CDYL2: variants seen among roughly 807,000 people sequenced by gnomAD.
CDYL2 encodes chromodomain Y-like protein 2.
CDYL2 carries 23 observed loss-of-function variants against 49.4 expected under a neutral mutation model. The observed-to-expected ratio is 0.47, with a 90% CI of 0.34 to 0.66. The LOEUF is 0.66. Among genes scored for constraint, CDYL2 ranks in the 30% least tolerant of loss-of-function variants. The pLI is 0.01. For synonymous variants in CDYL2, 360 were observed against 268.8 expected (o/e 1.34, Z -3.32); for missense variants, 678 against 656.4 (o/e 1.03, Z -0.36).
chr16:80,766,855 C>G (rs920748104), intron 1 of CDYL2, among the ~76,000 whole-genome samples: 1 of 152,196 alleles, frequency 6.6e-6, no homozygotes, highest in African/African-American at 2.4e-5. Flanking sequence ...AGGTGTAAAT[C>G]ACAACAAAAC....
At chr16:80,708,111 G>C (rs144839625) in intron 1 of CDYL2, among the ~76,000 whole-genome samples, 1 of 152,118 alleles carries the variant, frequency 6.6e-6, no homozygotes, top group African/African-American at 2.4e-5. Context: ...GAAAAATCCA[G>C]GACTGGGATG....
chr16:80,793,957 T>C (rs1303784635), intron 1 of CDYL2, among the ~76,000 whole-genome samples: 1 of 152,194 alleles, frequency 6.6e-6, no homozygotes, highest in African/African-American at 2.4e-5. Flanking sequence ...AAAAACACAA[T>C]CTTTGATTTG....
intron 2 of CDYL2, 49 bp downstream of exon 2, chr16:80,684,489 C>A: frequency 6.4e-7 from 1 of 1,552,084 alleles, no homozygotes; most frequent in Non-Finnish European, 8.8e-7. Flanking sequence ...GCAGAGCTCC[C>A]CTTTCGCCAT....
At chr16:80,804,762 G>T (rs946789474), upstream of CDYL2, among the ~76,000 whole-genome samples, 6 of 150,398 alleles carry the variant, frequency 4.0e-5, no homozygotes, top group Admixed American at 1.3e-4. Flanking sequence ...GGCCCCCGGG[G>T]GGCGGCGGGC....
At chr16:80,735,113 C>G (rs757467599) in intron 1 of CDYL2, 2 of 152,180 alleles carry the variant, frequency 1.3e-5, no homozygotes, top group Admixed American at 6.5e-5. Flanking sequence ...CTCTGTCCAC[C>G]CTCAAGGGTG....
intron 1 of CDYL2, among the ~76,000 whole-genome samples, chr16:80,764,436 C>G (rs150870303): frequency 1.3e-5 from 2 of 152,186 alleles, no homozygotes; most frequent in East Asian, 3.9e-4. Flanking sequence ...AATTTTAGGA[C>G]TGATGCTATT....
Position 80,637,574 on chromosome 16 carries a change from T to C in CDYL2, c.617-4338A>G, listed in dbSNP as rs115345058. Among the ~76,000 whole-genome samples the C allele has an allele frequency of 6.1e-3, 932 of 152,324 alleles. 7 individuals carry two copies. The highest frequency in any genetic ancestry group is 0.022 in the African/African-American group (895 of 41,564). ...CTCCTGAACTAATAAGCAAATACTG[T>C]AAGGTCACAGAATACAAGGTTAACA... On this transcript the variant is annotated intron_variant, in intron 2 of 6. Coordinates refer to ENST00000570137, the MANE Select transcript of CDYL2 (RefSeq NM_152342.4).
intron 1 of CDYL2, among the ~76,000 whole-genome samples, chr16:80,734,498 A>G (rs1265194009): frequency 1.3e-5 from 2 of 151,224 alleles, no homozygotes; most frequent in East Asian, 3.9e-4. Context: ...AGTAGCTGTA[A>G]TTAGAGGACA....
chr16:80,614,996 G>C (rs765508570), intron 4 of CDYL2, among the ~76,000 whole-genome samples: 64 of 152,178 alleles, frequency 4.2e-4, no homozygotes, highest in Non-Finnish European at 7.2e-4. Context: ...TCAACTGCGA[G>C]AAGTCTACTT....
chr16:80,732,893 G>C (rs1272627955), intron 1 of CDYL2, among the ~76,000 whole-genome samples: 2 of 151,900 alleles, frequency 1.3e-5, no homozygotes, highest in Non-Finnish European at 2.9e-5. Context: ...GTTGATGAAT[G>C]GAAAATACAC....
At position 80,804,390 on chromosome 16, in the gene CDYL2, A is replaced by AGCAGCGGCGGCGGCG. The variant is rs1349369159; in HGVS notation, c.-232_-218dup. On this transcript the variant is annotated 5_prime_UTR_variant, in exon 1 of 7. Coordinates refer to ENST00000570137, the MANE Select transcript of CDYL2 (RefSeq NM_152342.4). Reference sequence around the variant, plus strand: ...CGGCGGCGGGGCTGGCGTAACCGGCAGCAGCGGCGGCGGCGGCGGCGGCGG... The same window carrying AGCAGCGGCGGCGGCG: ...CGGCGGCGGGGCTGGCGTAACCGGCAGCAGCGGCGGCGGCGGCAGCGGCGGCGGCGGCGGCGGCGG... The AGCAGCGGCGGCGGCG allele has an allele frequency of 5.4e-6, 1 of 185,746 alleles. No homozygotes were observed. The highest frequency in any genetic ancestry group is 1.0e-5 in the Non-Finnish European group (1 of 98,146). The allele number at this position is 185,746 out of a possible 1,614,324, so 11.5% of individuals were successfully genotyped here. A position where few individuals can be genotyped will look rare whatever the true frequency, so the allele number is the denominator to read the frequency against.
At chr16:80,701,536 C>A (rs563822969) in intron 1 of CDYL2, among the ~76,000 whole-genome samples, 1 of 151,978 alleles carries the variant, frequency 6.6e-6, no homozygotes, top group Admixed American at 6.6e-5. Flanking sequence ...AAAATGAGCA[C>A]ATTCCAAAAA....
intron 1 of CDYL2, among the ~76,000 whole-genome samples, chr16:80,797,269 C>T (rs1233381021): frequency 6.6e-6 from 1 of 152,218 alleles, no homozygotes; most frequent in African/African-American, 2.4e-5. Flanking sequence ...GTCCTTTCCA[C>T]TCCCTCCACT....
At chr16:80,614,060 A>G (rs535120086) in intron 4 of CDYL2, among the ~76,000 whole-genome samples, 1 of 152,338 alleles carries the variant, frequency 6.6e-6, no homozygotes, top group Non-Finnish European at 1.5e-5. Flanking sequence ...CTCCTTAAGG[A>G]CACCCAGAGG....
intron 1 of CDYL2, among the ~76,000 whole-genome samples, chr16:80,697,450 C>T (rs903412635): frequency 6.6e-6 from 1 of 152,128 alleles, no homozygotes; most frequent in Non-Finnish European, 1.5e-5. Flanking sequence ...ATCTGACAAA[C>T]CCACAGCCAA....
At chr16:80,706,864 A>G (rs1163522079) in intron 1 of CDYL2, among the ~76,000 whole-genome samples, 5 of 152,222 alleles carry the variant, frequency 3.3e-5, no homozygotes, top group African/African-American at 7.2e-5. Flanking sequence ...ACAGAGGTAG[A>G]TATCAGAAGA....
chr16:80,623,419 C>A (rs767823167), intron 3 of CDYL2, among the ~76,000 whole-genome samples: 3 of 152,084 alleles, frequency 2.0e-5, no homozygotes, highest in Non-Finnish European at 4.4e-5. Context: ...TGCAAGATGT[C>A]CCCGTTTATA....
At chr16:80,749,367 G>A (rs561918214) in intron 1 of CDYL2, among the ~76,000 whole-genome samples, 15 of 152,208 alleles carry the variant, frequency 9.9e-5, no homozygotes, top group South Asian at 4.1e-4. Context: ...AATAACAAAT[G>A]CAAAACATGG....
intron 1 of CDYL2, among the ~76,000 whole-genome samples, chr16:80,749,290 CAT>C (rs1251322474): frequency 6.6e-6 from 1 of 152,110 alleles, no homozygotes; most frequent in Non-Finnish European, 1.5e-5. Context: ...TTGTTGAAAA[CAT>C]ATAAAAGTTA....
Sources: allele counts gnomAD v4.1 joint callset (sites outside exome capture counted in the v4.1 genomes callset), GRCh38; gene constraint gnomAD v4.1.1; transcripts MANE v1.5; gene names NCBI Gene and HGNC (gene_info 2026-07-23, HGNC 2026-07-21).